The following SHANK2 variants were observed in gnomAD, a reference collection of about 807,000 sequenced individuals.
SHANK2 encodes SH3 and multiple ankyrin repeat domains 2.
Under a neutral mutation model 133.7 loss-of-function variants are expected in SHANK2, and 43 were observed. The observed-to-expected ratio is 0.32, with a 90% CI of 0.25 to 0.41. SHANK2 has a LOEUF of 0.41. Ranked by LOEUF, SHANK2 falls within the 10% of genes least tolerant of loss-of-function variation. The pLI, the probability that SHANK2 is intolerant of heterozygous loss-of-function variation, is 1.00. For missense variants in SHANK2, 1,994 were observed against 2,235.8 expected, an observed-to-expected ratio of 0.89 and a Z score of 2.18; for synonymous variants, 1,017 against 952.8, an observed-to-expected ratio of 1.07 and a Z score of -1.24.
At chr11:70,759,618 C>T (rs563031583) in intron 14 of SHANK2, among the ~76,000 whole-genome samples, 1 of 152,178 alleles carries the variant, frequency 6.6e-6, no homozygotes, top group Non-Finnish European at 1.5e-5. Flanking sequence ...GATTGTGAGA[C>T]TGATAGAATG....
chr11:71,221,472 G>A (rs1289051005), intron 2 of SHANK2, among the ~76,000 whole-genome samples: 3 of 152,158 alleles, frequency 2.0e-5, no homozygotes, highest in African/African-American at 7.2e-5. Flanking sequence ...CCACCCAGGA[G>A]GGTGCTCTGG....
At chr11:71,082,703 C>G (rs1185917535) in intron 8 of SHANK2, among the ~76,000 whole-genome samples, 6 of 152,186 alleles carry the variant, frequency 3.9e-5, no homozygotes, top group African/African-American at 1.4e-4. Flanking sequence ...CTGAGGGCAT[C>G]CGGCCAGGGA....
chr11:70,712,884 AGTTCCACTT>A (rs1555026484), intron 14 of SHANK2, among the ~76,000 whole-genome samples: 1 of 152,206 alleles, frequency 6.6e-6, no homozygotes, highest in East Asian at 1.9e-4. Flanking sequence ...CCGAGTCCAT[AGTTCCACTT>A]GTTCCCAGCT....
chr11:71,067,537 A>G (rs1355901002), intron 9 of SHANK2, among the ~76,000 whole-genome samples: 11 of 152,180 alleles, frequency 7.2e-5, no homozygotes, highest in African/African-American at 2.7e-4. Context: ...AAGAAGAGAG[A>G]ACATTCTAAT....
At position 70,818,727 on chromosome 11, in the gene SHANK2, G is replaced by A. The variant is rs147453532; in HGVS notation, c.1493+1637C>T. ...TGGTGGGAAGCGTCTGTGGGCTAAAGGCCAAAGCGTTGAGAGGACGTGGGG... is the reference window on the plus strand; with the variant it reads ...TGGTGGGAAGCGTCTGTGGGCTAAAAGCCAAAGCGTTGAGAGGACGTGGGG... On this transcript the variant is annotated intron_variant, in intron 12 of 25. Transcript: ENST00000601538. 2.6e-3 allele frequency among the ~76,000 whole-genome samples: 399 copies of A among 152,350 alleles called. 3 individuals are homozygous for A. The highest frequency in any genetic ancestry group is 9.3e-3 in the African/African-American group (388 of 41,580).
chr11:70,635,983 T>C (rs559452), intron 17 of SHANK2, among the ~76,000 whole-genome samples: 63,851 of 152,182 alleles, frequency 0.42, 13,831 homozygotes, highest in Middle Eastern at 0.49. Context: ...TGTTCCAGAA[T>C]ACGCAGAGTC....
At chr11:70,571,551 G>A (rs1395012962) in intron 17 of SHANK2, among the ~76,000 whole-genome samples, 1 of 152,208 alleles carries the variant, frequency 6.6e-6, no homozygotes, top group Non-Finnish European at 1.5e-5. Flanking sequence ...ATAGCTGGCT[G>A]AGCTGGAGTG....
intron 1 of SHANK2, among the ~76,000 whole-genome samples, chr11:71,227,575 T>C (rs575159750): frequency 6.6e-6 from 1 of 151,388 alleles, no homozygotes; most frequent in African/African-American, 2.4e-5. Flanking sequence ...CAAAAATGGA[T>C]AGAACTGAAG....
intron 14 of SHANK2, among the ~76,000 whole-genome samples, chr11:70,720,606 T>C (rs782620023): frequency 6.6e-6 from 1 of 152,220 alleles, no homozygotes; most frequent in Non-Finnish European, 1.5e-5. Context: ...GAGGGAGGGC[T>C]GGAGATAGAG....
At chr11:70,644,834 T>C (rs1555007685) in intron 17 of SHANK2, among the ~76,000 whole-genome samples, 1 of 152,174 alleles carries the variant, frequency 6.6e-6, no homozygotes, top group East Asian at 1.9e-4. Context: ...GACCGACACC[T>C]GTGCCTCAGA....
chr11:70,893,007 A>G (rs782197359), intron 11 of SHANK2, among the ~76,000 whole-genome samples: 4 of 151,972 alleles, frequency 2.6e-5, no homozygotes, highest in Non-Finnish European at 5.9e-5. Flanking sequence ...TCCACAATAA[A>G]CAACTTGTCC....
intron 1 of SHANK2, among the ~76,000 whole-genome samples, chr11:71,247,195 A>G (rs1004261791): frequency 2.6e-5 from 4 of 152,232 alleles, no homozygotes; most frequent in Non-Finnish European, 4.4e-5. Flanking sequence ...GTCAAGAAAA[A>G]GTGGCTGTGA....
chr11:71,106,237 G>A (rs1951800438), intron 6 of SHANK2, among the ~76,000 whole-genome samples: 1 of 152,228 alleles, frequency 6.6e-6, no homozygotes, highest in South Asian at 2.1e-4. Flanking sequence ...AAGCAAAGCT[G>A]GTTCATAAAA....
In SHANK2 at chr11:70,500,044, C is replaced by T. The variant is rs1555158043; in HGVS notation, c.2308+526G>A. Among the ~76,000 whole-genome samples the T allele has an allele frequency of 6.6e-6, 1 of 152,176 alleles. No homozygotes were observed. The highest frequency in any genetic ancestry group is 2.4e-5 in the African/African-American group (1 of 41,448). ...CTGGGGCCTGCGGTCCGGCTGCCCA[C>T]AGCCACAGTGACTGCCAGTCTCCCA... is the stretch of plus-strand genomic sequence containing the variant. On this transcript the variant is annotated intron_variant, in intron 21 of 25. Transcript: ENST00000601538. The surrounding 1 kb of genome is among the most constrained non-coding windows in gnomAD (Gnocchi z 4.5).
chr11:70,661,706 C>T (rs1555013394), intron 15 of SHANK2, 28 bp from the exon 16 acceptor site: 1 of 1,614,148 alleles, frequency 6.2e-7, no homozygotes. Flanking sequence ...GGGACAGCGA[C>T]CATTATTGTA....
At chr11:70,559,888 T>TA (rs1554980461) in intron 17 of SHANK2, among the ~76,000 whole-genome samples, 1 of 151,828 alleles carries the variant, frequency 6.6e-6, no homozygotes, top group African/African-American at 2.4e-5. Flanking sequence ...TTTATTTATT[T>TA]TGAGACAGAG....
chr11:70,640,355 C>T (rs929188211), intron 17 of SHANK2, among the ~76,000 whole-genome samples: 4 of 152,078 alleles, frequency 2.6e-5, no homozygotes, highest in Non-Finnish European at 4.4e-5. Context: ...CAGAGACGAG[C>T]GACGCAGCCA....
chr11:70,795,781 C>G (rs961106150), intron 14 of SHANK2, among the ~76,000 whole-genome samples: 3 of 152,132 alleles, frequency 2.0e-5, no homozygotes, highest in African/African-American at 7.2e-5. Flanking sequence ...GGAAGAAGGA[C>G]CCTACCAACA....
chr11:70,754,113 T>C (rs782707240), intron 14 of SHANK2, among the ~76,000 whole-genome samples: 1 of 152,186 alleles, frequency 6.6e-6, no homozygotes, highest in African/African-American at 2.4e-5. Context: ...CGCCTGACAA[T>C]TGTGTAGTTT....
Sources: allele counts gnomAD v4.1 joint callset (sites outside exome capture counted in the v4.1 genomes callset), GRCh38; gene constraint gnomAD v4.1.1; non-coding constraint Gnocchi (gnomAD v3.1); transcripts MANE v1.5; gene names NCBI Gene and HGNC (gene_info 2026-07-23, HGNC 2026-07-21).